SYTL2: variants seen among roughly 807,000 people sequenced by gnomAD.
The protein encoded by SYTL2 is synaptotagmin-like protein 2.
SYTL2 carries 165 observed loss-of-function variants against 198.7 expected under a neutral mutation model. That is an observed-to-expected ratio of 0.83 (90% CI 0.73 to 0.94). The LOEUF (loss-of-function observed/expected upper bound fraction) is 0.94. Among genes scored for constraint, SYTL2 ranks in the 40% least tolerant of loss-of-function variants. The pLI is 0.00. For synonymous variants in SYTL2, 966 were observed against 917.7 expected (o/e 1.05, Z -0.95); for missense variants, 2,835 against 2,582.8 (o/e 1.10, Z -2.12).
intron 4 of SYTL2, among the ~76,000 whole-genome samples, chr11:85,744,512 A>G (rs922216572): frequency 6.6e-6 from 1 of 152,228 alleles, no homozygotes; most frequent in Non-Finnish European, 1.5e-5. Context: ...CAAATGGGAA[A>G]TAGATAAATA....
Position 85,714,671 on chromosome 11 carries a change from T to C in SYTL2, c.5531-164A>G, listed in dbSNP as rs987086449. The C allele has an allele frequency of 2.5e-5, 34 of 1,353,016 alleles. No homozygotes were observed. In the East Asian group the frequency reaches 3.1e-4, roughly 12 times the overall value. 83.8% of individuals were successfully genotyped at this position (1,353,016 alleles called of 1,614,324 possible). On this transcript the variant is annotated intron_variant, in intron 11 of 19. Coordinates refer to ENST00000359152, the MANE Select transcript of SYTL2 (RefSeq NM_206927.4). ...GCACAGGATCATGAGATTAGCAACATGCAGTTTTTATAAATTATATAGAGA... is the reference window on the plus strand; with the variant it reads ...GCACAGGATCATGAGATTAGCAACACGCAGTTTTTATAAATTATATAGAGA...
chr11:85,721,413 T>C (rs1321926346), intron 8 of SYTL2, among the ~76,000 whole-genome samples: 2 of 152,138 alleles, frequency 1.3e-5, no homozygotes, highest in Admixed American at 6.6e-5. Flanking sequence ...GAGTGCATTC[T>C]CCAGATCAAA....
At chr11:85,729,472 A>C (rs1172427671) in intron 7 of SYTL2, among the ~76,000 whole-genome samples, 2 of 152,210 alleles carry the variant, frequency 1.3e-5, no homozygotes, top group Non-Finnish European at 2.9e-5. Flanking sequence ...AAACTGAACA[A>C]CTTGCTCCTG....
the SYTL2 span, chr11:85,853,141 G>T: frequency 2.9e-5 from 9 of 314,142 alleles, no homozygotes; most frequent in Non-Finnish European, 5.6e-5. Flanking sequence ...CTGCCCGGCC[G>T]CCACCCCGTC....
chr11:85,854,112 CAGGCGTGAGGGATTGT>C, the SYTL2 span: 4 of 152,136 alleles, frequency 2.6e-5, no homozygotes, highest in African/African-American at 4.8e-5. Flanking sequence ...GCTGAGATTA[CAGGCGTGAGGGATTGT>C]AGGCGTGAGG....
chr11:85,709,494 C>A lies in SYTL2; in HGVS notation c.5752G>T (p.Gly1918Cys). ...SGMTSLSSVS[G>C]SVMSVYSGDF... is the part of the protein sequence containing the mutation. ...CCACTATAAACACTCATCACACTGC[C>A]ACTCACCTGAAAGCATCAGAAATAC... The change falls in exon 14 of 20, where the codon GGC becomes TGC. Residue 1918 changes from glycine to cysteine, a missense_variant. By Grantham distance (159) the Gly-to-Cys change is radical. Transcript: ENST00000359152. 1 of 1,613,614 alleles carries A rather than the reference C, an allele frequency of 6.2e-7. No individual in the cohort carries two copies. The highest frequency in any genetic ancestry group is 8.5e-7 in the Non-Finnish European group (1 of 1,179,936).
the SYTL2 span, among the ~76,000 whole-genome samples, chr11:85,821,386 C>A: frequency 6.6e-6 from 1 of 151,948 alleles, no homozygotes; most frequent in African/African-American, 2.4e-5. Context: ...ACTTGAGCCA[C>A]GTTAAAGAAA....
At chr11:85,741,982 G>A (rs1007176598) in intron 4 of SYTL2, among the ~76,000 whole-genome samples, 1 of 152,114 alleles carries the variant, frequency 6.6e-6, no homozygotes, top group African/African-American at 2.4e-5. Flanking sequence ...ATTTTCTTGC[G>A]ATTTTACAGG....
At position 85,753,067 on chromosome 11, in the gene SYTL2, G is replaced by T. The variant is rs574724221; in HGVS notation, c.101+4558C>A. Among the ~76,000 whole-genome samples the T allele has an allele frequency of 1.3e-5, 2 of 151,870 alleles. 1 individual carries two copies. The highest frequency in any genetic ancestry group is 2.9e-5 in the Non-Finnish European group (2 of 67,934). On this transcript the variant is annotated intron_variant, in intron 2 of 19. Coordinates refer to ENST00000359152, the MANE Select transcript of SYTL2 (RefSeq NM_206927.4). The stretch of plus-strand genomic sequence containing the variant: ...GTGGTTGTGTGTATATGGGGGTGGG[G>T]GATGCAGTGCTGGTGGTGGTGTACA...
chr11:85,700,513 A>G lies in SYTL2; in HGVS notation c.6268+2T>C. ...AAATCTGAATAGAAAGTCATTACAT[A>G]CCAGGGACTGGCTCTGGGACATACT... On this transcript the variant is annotated splice_donor_variant, in intron 17 of 19. Transcript: ENST00000359152. LOFTEE classifies it high-confidence loss of function. 6.2e-7 allele frequency: 1 copy of G among 1,610,338 alleles called. No individual in the cohort carries two copies. The highest frequency in any genetic ancestry group is 8.5e-7 in the Non-Finnish European group (1 of 1,176,600).
intron 12 of SYTL2, among the ~76,000 whole-genome samples, chr11:85,712,785 C>T (rs1349578749): frequency 1.3e-5 from 2 of 151,952 alleles, no homozygotes; most frequent in African/African-American, 4.8e-5. Context: ...GGCACAATCT[C>T]GGCTCACTAC....
Position 85,811,034 on chromosome 11 carries a change from A to G in SYTL2, c.-470T>C, listed in dbSNP as rs2093025117. 1 of 152,118 alleles carries G rather than the reference A, an allele frequency of 6.6e-6. No homozygotes were observed. The highest frequency in any genetic ancestry group is 2.1e-4 in the South Asian group (1 of 4,834). The allele number at this position is 152,118 out of a possible 1,614,324, so 9.4% of individuals were successfully genotyped here. A position where few individuals can be genotyped will look rare whatever the true frequency, so the allele number is the denominator to read the frequency against. On this transcript the variant is annotated 5_prime_UTR_variant, in exon 1 of 20. Transcript: ENST00000359152. ...CCCCAGCCCTCGGCCTGGCGGTGCA[A>G]ACCGCGCAGCCCCGGGCGCGGCGCG...
rs528683981 is a variant in SYTL2, at chr11:85,786,437, T to A, written c.-390+24517A>T. ...AAACTGGAAAAAGTCTATGCCAATA[T>A]CTGAGTTGTGATATACTATAGTTGT... is the stretch of plus-strand genomic sequence containing the variant. On this transcript the variant is annotated intron_variant, in intron 1 of 19. Transcript: ENST00000359152. 2.6e-4 allele frequency among the ~76,000 whole-genome samples: 39 copies of A among 152,298 alleles called. No homozygotes were observed. In the South Asian group the frequency reaches 6.4e-3, roughly 25 times the overall value.
chr11:85,800,050 C>A (rs2092862395), intron 1 of SYTL2, among the ~76,000 whole-genome samples: 1 of 152,190 alleles, frequency 6.6e-6, no homozygotes, highest in Admixed American at 6.5e-5. Flanking sequence ...ACTAAGCTCA[C>A]ACCCTTGGTC....
intron 2 of SYTL2, among the ~76,000 whole-genome samples, chr11:85,755,868 G>T (rs2091836078): frequency 6.6e-6 from 1 of 152,102 alleles, no homozygotes; most frequent in Admixed American, 6.5e-5. Flanking sequence ...TGAGCAGAAG[G>T]AATCAAAGGT....
chr11:85,851,835 T>C, the SYTL2 span, among the ~76,000 whole-genome samples: 1 of 152,248 alleles, frequency 6.6e-6, no homozygotes, highest in Non-Finnish European at 1.5e-5. Flanking sequence ...AATTTTCCGC[T>C]GGTAGCTTTT....
chr11:85,703,550 A>T (rs1353803373), intron 16 of SYTL2, among the ~76,000 whole-genome samples: 1 of 152,160 alleles, frequency 6.6e-6, no homozygotes, highest in Admixed American at 6.5e-5. Flanking sequence ...ATTGAAAAAG[A>T]TGTTATGATA....
At chr11:85,770,162 T>C (rs1030120334) in intron 1 of SYTL2, among the ~76,000 whole-genome samples, 6 of 152,162 alleles carry the variant, frequency 3.9e-5, no homozygotes, top group Non-Finnish European at 7.3e-5. Flanking sequence ...TCGTATTGCA[T>C]CTGCTATACA....
At chr11:85,813,580 G>T (rs2093057758), upstream of SYTL2, among the ~76,000 whole-genome samples, 2 of 152,188 alleles carry the variant, frequency 1.3e-5, no homozygotes, top group South Asian at 2.1e-4. Flanking sequence ...ATGGTGTAAG[G>T]TTAAATGCAC....
Sources: gnomAD v4.1 joint callset for allele counts (sites outside exome capture counted in the v4.1 genomes callset) on GRCh38, gnomAD v4.1.1 for gene constraint, MANE v1.5 for transcripts, NCBI Gene and HGNC (gene_info 2026-07-23, HGNC 2026-07-21) for gene names.